Variants in CPM observed in about 807,000 individuals in gnomAD.
CPM encodes the protein renal carboxypeptidase.
In CPM, 35 loss-of-function variants were observed where a neutral mutation model predicts 46.4. The observed-to-expected ratio is 0.75, with a 90% confidence interval of 0.58 to 1.00. CPM has a LOEUF of 1.00. Among genes scored for constraint, CPM ranks in the 50% least tolerant of loss-of-function variants. The pLI is 0.00. For missense variants in CPM, 422 were observed against 530.4 expected (o/e 0.80, Z 2.01); for synonymous variants, 195 against 195.3 (o/e 1.00, Z 0.01).
At chr12:68,876,451 T>A (rs773741020) in intron 3 of CPM, among the ~76,000 whole-genome samples, 12 of 152,238 alleles carry the variant, frequency 7.9e-5, no homozygotes, top group Admixed American at 2.6e-4. Flanking sequence ...ATGTTTTATG[T>A]ATAAACCTCC....
intron 2 of CPM, among the ~76,000 whole-genome samples, chr12:68,894,101 A>C (rs76198190): frequency 3.3e-5 from 5 of 152,074 alleles, no homozygotes; most frequent in African/African-American, 1.2e-4. Context: ...CTGCACCACC[A>C]CCACCACTGC....
intron 6 of CPM, among the ~76,000 whole-genome samples, chr12:68,868,176 C>T (rs1049232557): frequency 6.6e-6 from 1 of 152,182 alleles, no homozygotes; most frequent in Non-Finnish European, 1.5e-5. Context: ...TGGGCCCTTT[C>T]TTAGCTACAA....
chr12:68,928,049 G>A (rs1888343144), intron 2 of CPM, among the ~76,000 whole-genome samples: 1 of 152,196 alleles, frequency 6.6e-6, no homozygotes, highest in Non-Finnish European at 1.5e-5. Context: ...CCAAAAAAGA[G>A]CCCGCATTGC....
At chr12:68,957,460 C>A in intron 1 of CPM, 1 of 266,428 alleles carries the variant, frequency 3.8e-6, no homozygotes. Context: ...AATGTGCTGG[C>A]AAAAGTTTCC....
At chr12:68,870,798 G>C (rs924768858) in intron 4 of CPM, among the ~76,000 whole-genome samples, 5 of 152,240 alleles carry the variant, frequency 3.3e-5, no homozygotes, top group Non-Finnish European at 5.9e-5. Flanking sequence ...GGCACGGACA[G>C]TAGCCATCCC....
chr12:68,842,276 C>T (rs1203808428), exon 6 of CPM: 4 of 496,582 alleles, frequency 8.1e-6, no homozygotes, highest in East Asian at 9.4e-5. Flanking sequence ...TTCAGGACAT[C>T]AAAGAAGTCA....
At chr12:68,939,685 A>G (rs1471328364) in intron 1 of CPM, among the ~76,000 whole-genome samples, 1 of 152,118 alleles carries the variant, frequency 6.6e-6, no homozygotes, top group Non-Finnish European at 1.5e-5. Context: ...GCAATGCCTA[A>G]CATGAAAACA....
At chr12:68,934,515 C>T (rs562779562), upstream of CPM, among the ~76,000 whole-genome samples, 2 of 151,980 alleles carry the variant, frequency 1.3e-5, no homozygotes, top group African/African-American at 4.8e-5. Context: ...TCTGCCCTTG[C>T]GATAGTTTGC....
intron 5 of CPM, chr12:68,843,032 G>A (rs1391033410): frequency 4.7e-6 from 1 of 214,530 alleles, no homozygotes; most frequent in Non-Finnish European, 9.4e-6. Flanking sequence ...TTTATTTTTC[G>A]AGCCTAGCAA....
At chr12:68,928,263 A>T (rs887129095) in intron 2 of CPM, among the ~76,000 whole-genome samples, 3 of 152,200 alleles carry the variant, frequency 2.0e-5, no homozygotes, top group South Asian at 2.1e-4. Context: ...AAAAACAAGC[A>T]ATGGGGAAAG....
chr12:68,940,613 G>A (rs1565807416), intron 1 of CPM, among the ~76,000 whole-genome samples: 1 of 151,034 alleles, frequency 6.6e-6, no homozygotes, highest in Non-Finnish European at 1.5e-5. Flanking sequence ...AGAGCACCAG[G>A]CCAGGCAACA....
Position 68,858,909 on chromosome 12 carries a change from C to T in CPM, c.1089+14G>A. 3 of 1,405,096 alleles carry T rather than the reference C, an allele frequency of 2.1e-6. No homozygotes were observed. Among genetic ancestry groups the T allele is most frequent in the Non-Finnish European group, 2.8e-6 (3 of 1,059,568 alleles). 87.0% of individuals were successfully genotyped at this position (1,405,096 alleles called of 1,614,324 possible). A position where few individuals can be genotyped will look rare whatever the true frequency, so the allele number is the denominator to read the frequency against. ...ATAATATTTTAATAACAATAACTAG[C>T]ATTGCATACTTACATTTATTATATA... is the stretch of plus-strand genomic sequence containing the variant. On this transcript the variant is annotated intron_variant, in intron 8 of 8. Transcript: ENST00000551568.
chr12:68,863,513 G>T lies in CPM; in HGVS notation c.940+3383C>A, dbSNP rs549844485. Among the ~76,000 whole-genome samples the T allele has an allele frequency of 2.0e-5, 3 of 152,298 alleles. No homozygotes were observed. The East Asian group carries it at 5.8e-4, about 29-fold the overall frequency. Reference sequence around the variant, plus strand: ...ACAGCACCAAGGGGCCCGAGTTTCAGTTGAGGTCTGCAGTGAGTTCTAATT... The same window carrying T: ...ACAGCACCAAGGGGCCCGAGTTTCATTTGAGGTCTGCAGTGAGTTCTAATT... On this transcript the variant is annotated intron_variant, in intron 7 of 8. Coordinates refer to ENST00000551568, the MANE Select transcript of CPM (RefSeq NM_198320.5).
intron 2 of CPM, among the ~76,000 whole-genome samples, chr12:68,916,015 C>T (rs1228109200): frequency 2.0e-5 from 3 of 152,146 alleles, no homozygotes; most frequent in Admixed American, 2.0e-4. Flanking sequence ...TTCATTTTCC[C>T]ACTCTCTTTG....
chr12:68,954,890 A>G (rs948088664), intron 1 of CPM, among the ~76,000 whole-genome samples: 3 of 152,168 alleles, frequency 2.0e-5, no homozygotes, highest in South Asian at 2.1e-4. Flanking sequence ...TCATCCAGAC[A>G]CAGGTGTCTG....
At chr12:68,883,570 C>T (rs1663589) in intron 3 of CPM, among the ~76,000 whole-genome samples, 4,443 of 152,140 alleles carry the variant, frequency 0.029, 102 homozygotes, top group African/African-American at 0.066. Flanking sequence ...AGAATCAGAG[C>T]GCACTAGCGA....
At position 68,856,525 on chromosome 12, in the gene CPM, A is replaced by G. The variant is rs1414698486; in HGVS notation, c.1244T>C (p.Leu415Pro). ...VSNPSCPMIP[L>P]YRNLPDHSAA... ...TGAGTGGTCTGGCAAATTTCTGTATAGAGGAATCATTGGGCATGAAGGATT... is the reference window on the plus strand; with the variant it reads ...TGAGTGGTCTGGCAAATTTCTGTATGGAGGAATCATTGGGCATGAAGGATT... The change falls in exon 9 of 9, where the codon CTA becomes CCA. Residue 415 changes from leucine to proline, a missense_variant. Coordinates refer to ENST00000551568, the MANE Select transcript of CPM (RefSeq NM_198320.5). 6.2e-7 allele frequency: 1 copy of G among 1,614,246 alleles called. No individual in the cohort carries two copies. The highest frequency in any genetic ancestry group is 8.5e-7 in the Non-Finnish European group (1 of 1,180,036).
At chr12:68,929,178 T>C (rs916195205) in intron 2 of CPM, among the ~76,000 whole-genome samples, 1 of 152,144 alleles carries the variant, frequency 6.6e-6, no homozygotes, top group African/African-American at 2.4e-5. Context: ...TTTTGGGGTG[T>C]GTGTGGAGAG....
chr12:68,916,623 G>C (rs1339992493), intron 2 of CPM, among the ~76,000 whole-genome samples: 1 of 152,162 alleles, frequency 6.6e-6, no homozygotes, highest in Non-Finnish European at 1.5e-5. Context: ...GGGCACGGTG[G>C]TGCATGCCTG....
Sources: gnomAD v4.1 joint callset for allele counts (sites outside exome capture counted in the v4.1 genomes callset) on GRCh38, gnomAD v4.1.1 for gene constraint, MANE v1.5 for transcripts, NCBI Gene and HGNC (gene_info 2026-07-23, HGNC 2026-07-21) for gene names.